LRP5: variants seen among roughly 807,000 people sequenced by gnomAD.
LRP5 encodes low-density lipoprotein receptor-related protein 5.
Under a neutral mutation model 154.1 loss-of-function variants are expected in LRP5, and 62 were observed. The observed-to-expected ratio is 0.40, with a 90% CI of 0.33 to 0.50. The LOEUF (loss-of-function observed/expected upper bound fraction) is 0.50. Ranked by LOEUF, LRP5 falls within the 20% of genes least tolerant of loss-of-function variation. LRP5 has a pLI of 0.55. For missense variants in LRP5, 1,915 were observed against 2,336.7 expected (o/e 0.82, Z 3.72); for synonymous variants, 966 against 1,011.5 (o/e 0.96, Z 0.85).
At position 68,425,085 on chromosome 11, in the gene LRP5, C is replaced by T. The variant is rs779474034; in HGVS notation, c.3237-17C>T. ...CGCCATCCCCACACCCGTCCTTCAC[C>T]CGCCACCCTCCCGCAGGTACCTGTA... On this transcript the variant is annotated splice_polypyrimidine_tract_variant and intron_variant, in intron 14 of 22. Transcript: ENST00000294304. The T allele has an allele frequency of 3.1e-6, 5 of 1,612,502 alleles. No homozygotes were observed. In the Admixed American group the frequency reaches 8.3e-5, roughly 27 times the overall value.
rs1226460603 is a variant in LRP5 at position 68,416,361 on chromosome 11, C to T, written c.2861C>T (p.Ser954Phe). The T allele has an allele frequency of 4.3e-6, 7 of 1,614,178 alleles. No homozygotes were observed. In the East Asian group the frequency reaches 1.3e-4, roughly 31 times the overall value. The change falls in exon 13 of 23, where the codon TCT (serine) becomes TTT (phenylalanine). Residue 954 changes from serine (S) to phenylalanine (F), a missense_variant. Ser to Phe is a radical substitution (Grantham distance 155). This residue lies in a region of LRP5 where 1,094 missense variants were observed against 1,210.1 expected (regional missense o/e 0.90). Coordinates refer to ENST00000294304, the MANE Select transcript of LRP5 (RefSeq NM_002335.4). ...PTTFLLFSQK[S>F]AISRMIPDDQ... is the part of the protein sequence containing the mutation. ...ACCTTCTTGCTGTTCAGCCAGAAATCTGCCATCAGTCGGATGATCCCGGAC... is the reference window on the plus strand; with the variant it reads ...ACCTTCTTGCTGTTCAGCCAGAAATTTGCCATCAGTCGGATGATCCCGGAC...
chr11:68,360,460 C>T (rs191467338), intron 3 of LRP5, among the ~76,000 whole-genome samples: 8 of 152,368 alleles, frequency 5.3e-5, no homozygotes, highest in Admixed American at 2.6e-4. Flanking sequence ...CCTGCTTCCC[C>T]GCGGGATTCT....
intron 5 of LRP5, among the ~76,000 whole-genome samples, chr11:68,370,363 G>T (rs559031893): frequency 1.3e-5 from 2 of 152,090 alleles, no homozygotes; most frequent in Admixed American, 6.5e-5. Flanking sequence ...GGGGGAGAGG[G>T]GGGGACAGGC....
intron 14 of LRP5, among the ~76,000 whole-genome samples, chr11:68,424,088 C>T (rs1199877779): frequency 4.6e-5 from 7 of 152,192 alleles, no homozygotes; most frequent in African/African-American, 7.2e-5. Flanking sequence ...AGGCCCCCGA[C>T]GCTCCCACCT....
In LRP5 at chr11:68,371,099, C is replaced by A. The variant is rs558758580; in HGVS notation, c.1015+5397C>A. On this transcript the variant is annotated intron_variant, in intron 5 of 22. Coordinates refer to ENST00000294304, the MANE Select transcript of LRP5 (RefSeq NM_002335.4). ...ATGCTGGCTCCTCCGTCTCCCTGCC[C>A]TGGGCCCTTTTGAAGCTGAAGTGTT... Among the ~76,000 whole-genome samples, 3 of 152,254 alleles carry A rather than the reference C, an allele frequency of 2.0e-5. No homozygotes were observed. In the East Asian group the frequency reaches 5.8e-4, roughly 29 times the overall value.
chr11:68,384,881 C>T (rs973925442), intron 5 of LRP5, among the ~76,000 whole-genome samples: 5 of 152,192 alleles, frequency 3.3e-5, no homozygotes, highest in East Asian at 1.9e-4. Flanking sequence ...TGGGTTTGCA[C>T]GCCTCTGGGC....
intron 18 of LRP5, among the ~76,000 whole-genome samples, chr11:68,436,549 A>C (rs1412639350): frequency 1.5e-5 from 2 of 137,906 alleles, no homozygotes; most frequent in African/African-American, 6.3e-5. Context: ...TGTCCTTGGC[A>C]CCCACCCCCC....
chr11:68,369,644 C>T (rs192331810), intron 5 of LRP5, among the ~76,000 whole-genome samples: 219 of 152,232 alleles, frequency 1.4e-3, no homozygotes, highest in Non-Finnish European at 2.7e-3. Flanking sequence ...GGTAGTCGTG[C>T]GCCTGTAATC....
intron 6 of LRP5, among the ~76,000 whole-genome samples, chr11:68,389,464 G>C (rs2098645059): frequency 6.8e-6 from 1 of 148,004 alleles, no homozygotes; most frequent in Non-Finnish European, 1.5e-5. Context: ...ACTGACACTG[G>C]CATCTACTGA....
chr11:68,409,108 A>T, intron 9 of LRP5, among the ~76,000 whole-genome samples: 1 of 130,612 alleles, frequency 7.7e-6, no homozygotes, highest in African/African-American at 3.1e-5. Flanking sequence ...ACACACATAC[A>T]CGCACACACA....
chr11:68,365,957 C>T (rs1010406559), intron 5 of LRP5, among the ~76,000 whole-genome samples: 13 of 152,140 alleles, frequency 8.5e-5, no homozygotes, highest in African/African-American at 2.9e-4. Flanking sequence ...TTTTACTCTC[C>T]GCCTTGGTCC....
chr11:68,318,644 G>A (rs2098594892), intron 1 of LRP5, among the ~76,000 whole-genome samples: 1 of 152,180 alleles, frequency 6.6e-6, no homozygotes, highest in Admixed American at 6.5e-5. Context: ...GGGCCTTAAT[G>A]TAGTTTTTCT....
chr11:68,427,637 G>A (rs1193921257), intron 16 of LRP5, among the ~76,000 whole-genome samples: 1 of 151,002 alleles, frequency 6.6e-6, no homozygotes, highest in Non-Finnish European at 1.5e-5. Flanking sequence ...CCAAAATTAC[G>A]CCACTGCACT....
At position 68,357,642 on chromosome 11, in the gene LRP5, C is replaced by G. The variant is rs766210958; in HGVS notation, c.489-8C>G. 6.2e-7 allele frequency: 1 copy of G among 1,613,246 alleles called. No individual in the cohort carries two copies. The highest frequency in any genetic ancestry group is 2.2e-5 in the East Asian group (1 of 44,876). On this transcript the variant is annotated splice_polypyrimidine_tract_variant and splice_region_variant and intron_variant, in intron 2 of 22. Coordinates refer to ENST00000294304, the MANE Select transcript of LRP5 (RefSeq NM_002335.4). ...TTAGCTGCTTCTCTTGCCCTGCCCC[C>G]GTCACAGGTACATGTACTGGACAGA...
intron 1 of LRP5, among the ~76,000 whole-genome samples, chr11:68,313,673 C>G (rs1274404627): frequency 6.6e-6 from 1 of 152,254 alleles, no homozygotes; most frequent in Admixed American, 6.5e-5. Context: ...CTCTTGCTAC[C>G]TAAATCATTC....
chr11:68,332,070 A>AC (rs913712405), intron 1 of LRP5, among the ~76,000 whole-genome samples: 10 of 150,946 alleles, frequency 6.6e-5, no homozygotes, highest in African/African-American at 2.4e-4. Flanking sequence ...CTCTCTCCCC[A>AC]CCCGCCCCTG....
upstream of LRP5, among the ~76,000 whole-genome samples, chr11:68,308,021 C>T (rs1460119310): frequency 2.0e-5 from 3 of 152,236 alleles, no homozygotes; most frequent in East Asian, 3.8e-4. Context: ...CTGTTACCAA[C>T]CAAGCCCTCC....
chr11:68,306,460 T>C, the LRP5 span, among the ~76,000 whole-genome samples: 5 of 152,162 alleles, frequency 3.3e-5, no homozygotes, highest in Non-Finnish European at 7.4e-5. Flanking sequence ...CTAAGGACCA[T>C]TTGTCCTTGG....
At chr11:68,338,413 G>C (rs2153124137) in intron 1 of LRP5, among the ~76,000 whole-genome samples, 1 of 152,292 alleles carries the variant, frequency 6.6e-6, no homozygotes, top group South Asian at 2.1e-4. Flanking sequence ...GCTTACATGG[G>C]TTAAAATGAG....
Sources: gnomAD v4.1 joint callset for allele counts (sites outside exome capture counted in the v4.1 genomes callset) on GRCh38, gnomAD v4.1.1 for gene constraint, gnomAD v4.1.1 regional missense constraint, MANE v1.5 for transcripts, NCBI Gene and HGNC (gene_info 2026-07-23, HGNC 2026-07-21) for gene names.